Variants in PTP4A1 observed in about 807,000 individuals in gnomAD.
The protein encoded by PTP4A1 is protein tyrosine phosphatase type IVA 1.
A neutral mutation model predicts 20.5 loss-of-function variants in PTP4A1; 9 were observed. That is an observed-to-expected ratio of 0.44 (90% CI 0.26 to 0.77). The LOEUF (loss-of-function observed/expected upper bound fraction) is 0.77, where lower values mean the gene tolerates loss of function less well. Ranked by LOEUF, PTP4A1 falls within the 30% of genes least tolerant of loss-of-function variation. PTP4A1 has a pLI of 0.19. For missense variants in PTP4A1, 137 were observed against 218.8 expected (o/e 0.63, Z 2.36); for synonymous variants, 78 against 67.4 (o/e 1.16, Z -0.77).
chr6:63,544,854 T>G (rs1194643692), intron 2 of PTP4A1, among the ~76,000 whole-genome samples: 1 of 152,188 alleles, frequency 6.6e-6, no homozygotes, highest in Admixed American at 6.5e-5. Context: ...TTTGGTCACT[T>G]GGTCATGGTG....
intron 5 of PTP4A1, among the ~76,000 whole-genome samples, chr6:63,579,854 A>C (rs1778110931): frequency 1.3e-5 from 2 of 152,272 alleles, no homozygotes; most frequent in South Asian, 4.1e-4. Flanking sequence ...CAATACTCAA[A>C]CGAAGATATA....
upstream of PTP4A1, chr6:63,571,260 G>A (rs1453347657): frequency 6.6e-6 from 1 of 152,142 alleles, no homozygotes; most frequent in African/African-American, 2.4e-5. Context: ...TAAATCCTAA[G>A]ATGTTGCAGG....
intron 3 of PTP4A1, among the ~76,000 whole-genome samples, chr6:63,565,177 TA>T (rs1777136101): frequency 6.6e-6 from 1 of 151,932 alleles, no homozygotes; most frequent in Non-Finnish European, 1.5e-5. Flanking sequence ...CATGCCCAGA[TA>T]ATTTTTTTTT....
In PTP4A1 at chr6:63,564,634, C is replaced by T. The variant is rs1355932292; in HGVS notation, c.-445-11802C>T. Among the ~76,000 whole-genome samples, 4 of 152,150 alleles carry T rather than the reference C, an allele frequency of 2.6e-5. 1 individual carries two copies. Among genetic ancestry groups the T allele is most frequent in the Admixed American group, 2.6e-4 (4 of 15,268 alleles). ...CTTTGCCATAGCATGCATATCCAACCTTTAAAATTTATTTATACTCCATTC... is the reference window on the plus strand; with the variant it reads ...CTTTGCCATAGCATGCATATCCAACTTTTAAAATTTATTTATACTCCATTC... On this transcript the variant is annotated intron_variant, in intron 3 of 3. Transcript: ENST00000639568.
At chr6:63,544,260 AT>A in intron 2 of PTP4A1, among the ~76,000 whole-genome samples, 1 of 152,238 alleles carries the variant, frequency 6.6e-6, no homozygotes, top group East Asian at 1.9e-4. Context: ...ATTCCTGCCT[AT>A]TTTCACTCAG....
In PTP4A1 at chr6:63,581,885, C is replaced by T. The variant is rs1020627821; in HGVS notation, c.*1711C>T. On this transcript the variant is annotated 3_prime_UTR_variant, in exon 6 of 6. Transcript: ENST00000626021. ...ACATGAAGGCTTAATGTTAAGTTTC[C>T]TTTAATGATCCACAATAATCCCTTT... The T allele has an allele frequency of 1.3e-5, 2 of 152,034 alleles. No individual in the cohort carries two copies. Among genetic ancestry groups the T allele is most frequent in the Non-Finnish European group, 2.9e-5 (2 of 67,970 alleles). 9.4% of individuals were successfully genotyped at this position (152,034 alleles called of 1,614,324 possible).
chr6:63,524,671 CAA>C (rs1327162370), intron 1 of PTP4A1, among the ~76,000 whole-genome samples: 1 of 152,088 alleles, frequency 6.6e-6, no homozygotes, highest in Non-Finnish European at 1.5e-5. Flanking sequence ...GCAGCCAAAG[CAA>C]AAGAGAAATG....
chr6:63,572,914 G>C (rs1378231502), intron 1 of PTP4A1, among the ~76,000 whole-genome samples, 195 bp downstream of exon 1: 1 of 152,090 alleles, frequency 6.6e-6, no homozygotes, highest in Non-Finnish European at 1.5e-5. Flanking sequence ...GGAGGCAGAT[G>C]CCGGGCCCCT....
chr6:63,579,981 T>C (rs1348688191), intron 5 of PTP4A1, 76 bp from the exon 6 acceptor site: 12 of 1,057,178 alleles, frequency 1.1e-5, no homozygotes, highest in Non-Finnish European at 1.7e-5. Flanking sequence ...AGAGAGGTGA[T>C]GGTTGTCTAT....
chr6:63,575,611 T>C (rs965669481), intron 1 of PTP4A1, among the ~76,000 whole-genome samples: 2 of 152,196 alleles, frequency 1.3e-5, no homozygotes, highest in Non-Finnish European at 2.9e-5. Context: ...CTTCTCTGAG[T>C]TGGATTTCAG....
chr6:63,561,897 A>G (rs1471937992), intron 3 of PTP4A1, among the ~76,000 whole-genome samples: 17 of 152,318 alleles, frequency 1.1e-4, no homozygotes, highest in Admixed American at 1.1e-3. Flanking sequence ...TGGTGCTTCT[A>G]TCTCTGCTGC....
intron 1 of PTP4A1, among the ~76,000 whole-genome samples, chr6:63,525,891 G>A (rs190316274): frequency 2.6e-4 from 40 of 152,248 alleles, no homozygotes; most frequent in Non-Finnish European, 4.9e-4. Context: ...TAATATTTGA[G>A]TTCTAGTGAG....
rs1337467316 is a variant in PTP4A1, at chr6:63,580,743, T to A, written c.*569T>A. 2.6e-5 allele frequency: 4 copies of A among 152,430 alleles called. No individual in the cohort carries two copies. Among genetic ancestry groups the A allele is most frequent in the Non-Finnish European group, 5.9e-5 (4 of 68,038 alleles). The allele number at this position is 152,430 out of a possible 1,614,324, so 9.4% of individuals were successfully genotyped here. On this transcript the variant is annotated 3_prime_UTR_variant, in exon 6 of 6. Coordinates refer to ENST00000626021, the MANE Select transcript of PTP4A1 (RefSeq NM_003463.5). ...TTAACCATTGATTTTTTTTTTTTTT[T>A]ACCAAGTCTTACAGTGATTATTTTA... is the stretch of plus-strand genomic sequence containing the variant.
intron 1 of PTP4A1, among the ~76,000 whole-genome samples, chr6:63,573,881 G>T (rs1022003750): frequency 6.6e-6 from 1 of 152,162 alleles, no homozygotes; most frequent in African/African-American, 2.4e-5. Context: ...CCTGGATGGC[G>T]CCTTTTAATC....
chr6:63,558,230 G>A (rs867368478), intron 3 of PTP4A1, among the ~76,000 whole-genome samples: 2 of 152,196 alleles, frequency 1.3e-5, no homozygotes, highest in Middle Eastern at 3.4e-3. Context: ...ATTGAATTAA[G>A]TTATTGCAAT....
intron 3 of PTP4A1, among the ~76,000 whole-genome samples, chr6:63,564,871 T>A (rs1777119472): frequency 6.6e-6 from 1 of 152,214 alleles, no homozygotes; most frequent in Non-Finnish European, 1.5e-5. Context: ...ACTAGATTCC[T>A]CCAGGTACCA....
intron 2 of PTP4A1, among the ~76,000 whole-genome samples, chr6:63,531,205 TC>T (rs938059474): frequency 2.0e-5 from 3 of 151,404 alleles, no homozygotes; most frequent in Admixed American, 6.6e-5. Flanking sequence ...GCTTCCTGGT[TC>T]ACAGCCAATG....
chr6:63,580,393 A>T lies in PTP4A1; in HGVS notation c.*219A>T. Reference sequence around the variant, plus strand: ...TTGGCAAAAGATTCTTGCTGTCAGCATATAAAATGTGCTTGTCATTTGTAT... The same window carrying T: ...TTGGCAAAAGATTCTTGCTGTCAGCTTATAAAATGTGCTTGTCATTTGTAT... On this transcript the variant is annotated 3_prime_UTR_variant, in exon 6 of 6. Coordinates refer to ENST00000626021, the MANE Select transcript of PTP4A1 (RefSeq NM_003463.5). The T allele has an allele frequency of 2.1e-6, 1 of 483,278 alleles. No homozygotes were observed. The highest frequency in any genetic ancestry group is 3.1e-5 in the South Asian group (1 of 32,548). The allele number at this position is 483,278 out of a possible 1,614,324, so 29.9% of individuals were successfully genotyped here.
In PTP4A1 at chr6:63,579,369, C is replaced by T. The variant is rs1008664752; in HGVS notation, c.404+38C>T. The T allele has an allele frequency of 4.7e-6, 7 of 1,482,758 alleles. No homozygotes were observed. In the African/African-American group the frequency reaches 7.1e-5, roughly 15 times the overall value. 91.9% of individuals were successfully genotyped at this position (1,482,758 alleles called of 1,614,324 possible). A position where few individuals can be genotyped will look rare whatever the true frequency, so the allele number is the denominator to read the frequency against. Reference sequence around the variant, plus strand: ...TTCTCTTTTCATTTGTACTCTCTTTCATTTCCTTGTTGAGTGTCAGTGAGT... The same window carrying T: ...TTCTCTTTTCATTTGTACTCTCTTTTATTTCCTTGTTGAGTGTCAGTGAGT... On this transcript the variant is annotated intron_variant, in intron 5 of 5. Coordinates refer to ENST00000626021, the MANE Select transcript of PTP4A1 (RefSeq NM_003463.5).
Sources: allele counts gnomAD v4.1 joint callset (sites outside exome capture counted in the v4.1 genomes callset), GRCh38; gene constraint gnomAD v4.1.1; transcripts MANE v1.5; gene names NCBI Gene and HGNC (gene_info 2026-07-23, HGNC 2026-07-21).